DOCK3: variants seen among roughly 807,000 people sequenced by gnomAD.
DOCK3 encodes the protein dedicator of cytokinesis 3.
In DOCK3, 60 loss-of-function variants were observed where a neutral mutation model predicts 265.6. The observed-to-expected ratio is 0.23, with a 90% CI of 0.18 to 0.28. The LOEUF is 0.28. Ranked by LOEUF, DOCK3 falls within the 10% of genes least tolerant of loss-of-function variation. The pLI is 1.00. For synonymous variants in DOCK3, 881 were observed against 938.0 expected (o/e 0.94, Z 1.11); for missense variants, 1,981 against 2,594.3 (o/e 0.76, Z 5.14).
chr3:51,228,855 T>C (rs1410627376), intron 18 of DOCK3, 23 bp downstream of exon 18: 7 of 1,611,218 alleles, frequency 4.3e-6, no homozygotes, highest in Non-Finnish European at 5.9e-6. Flanking sequence ...GCCTGCAGGG[T>C]GGTGCCCTCC....
In DOCK3 at chr3:50,684,178, T is replaced by A. The variant is rs986049687; in HGVS notation, c.37+8878T>A. Among the ~76,000 whole-genome samples the A allele has an allele frequency of 3.3e-5, 5 of 152,224 alleles. No individual in the cohort carries two copies. The South Asian group carries it at 1.0e-3, about 32-fold the overall frequency. Reference sequence around the variant, plus strand: ...CTACTCTGCCTGATATAAATAAGCATTGCTGCTTCTACTGCAGTTGGTACC... The same window carrying A: ...CTACTCTGCCTGATATAAATAAGCAATGCTGCTTCTACTGCAGTTGGTACC... On this transcript the variant is annotated intron_variant, in intron 1 of 52. Coordinates refer to ENST00000266037, the MANE Select transcript of DOCK3 (RefSeq NM_004947.5).
At chr3:51,214,920 A>G (rs2089701583) in intron 14 of DOCK3, among the ~76,000 whole-genome samples, 1 of 152,170 alleles carries the variant, frequency 6.6e-6, no homozygotes, top group Non-Finnish European at 1.5e-5. Context: ...AGGGCTGGAA[A>G]AGTGGATCCA....
intron 8 of DOCK3, among the ~76,000 whole-genome samples, chr3:51,089,970 G>A (rs930644562): frequency 1.3e-5 from 2 of 151,220 alleles, no homozygotes; most frequent in African/African-American, 4.9e-5. Context: ...GTCACCTGGT[G>A]GAGATTTTTA....
At chr3:50,686,042 G>A (rs2034774383) in intron 1 of DOCK3, among the ~76,000 whole-genome samples, 1 of 152,080 alleles carries the variant, frequency 6.6e-6, no homozygotes, top group Non-Finnish European at 1.5e-5. Context: ...GATGATTCAA[G>A]TGCATTACAT....
At chr3:50,883,059 T>C (rs1334315283) in intron 3 of DOCK3, among the ~76,000 whole-genome samples, 2 of 152,072 alleles carry the variant, frequency 1.3e-5, no homozygotes, top group Admixed American at 1.3e-4. Flanking sequence ...TAGGTGGGAA[T>C]TGAACCATGA....
At chr3:51,244,950 A>C (rs1439680101) in intron 21 of DOCK3, among the ~76,000 whole-genome samples, 3 of 152,232 alleles carry the variant, frequency 2.0e-5, no homozygotes, top group African/African-American at 7.2e-5. Context: ...GCACCCACAA[A>C]AAAATGTCAA....
intron 12 of DOCK3, among the ~76,000 whole-genome samples, chr3:51,160,999 C>G (rs1007607063): frequency 6.6e-6 from 1 of 150,706 alleles, no homozygotes; most frequent in African/African-American, 2.4e-5. Flanking sequence ...TTGCTTGAAC[C>G]TGGGAGGCAG....
chr3:50,947,011 A>T (rs2076445963), intron 5 of DOCK3, among the ~76,000 whole-genome samples: 1 of 152,160 alleles, frequency 6.6e-6, no homozygotes, highest in Non-Finnish European at 1.5e-5. Flanking sequence ...ACAACAGGAT[A>T]AAAAAACCAA....
At chr3:51,322,972 A>C (rs1201417258) in intron 32 of DOCK3, among the ~76,000 whole-genome samples, 13 of 129,508 alleles carry the variant, frequency 1.0e-4, no homozygotes, top group Non-Finnish European at 1.6e-4. Flanking sequence ...AATGGAAAGC[A>C]AAAAAAAAAA....
chr3:51,265,558 AT>A (rs1308867040), intron 23 of DOCK3, among the ~76,000 whole-genome samples: 2 of 152,248 alleles, frequency 1.3e-5, no homozygotes, highest in South Asian at 2.1e-4. Flanking sequence ...ACACAAAAAA[AT>A]AAATGTAATC....
intron 1 of DOCK3, among the ~76,000 whole-genome samples, chr3:50,723,473 A>C (rs6800008): frequency 0.91 from 137,838 of 152,222 alleles, 62,564 homozygotes; most frequent in African/African-American, 0.95. Context: ...GAGTTTGAGA[A>C]CAGCCTGGCC....
At chr3:50,911,142 G>A (rs959978836) in intron 4 of DOCK3, among the ~76,000 whole-genome samples, 6 of 151,790 alleles carry the variant, frequency 4.0e-5, no homozygotes, top group Non-Finnish European at 7.4e-5. Context: ...CTCTTTATCC[G>A]TGCAGAAGCT....
chr3:51,246,859 T>C (rs1295448624), intron 22 of DOCK3, 52 bp downstream of exon 22: 10 of 1,551,024 alleles, frequency 6.4e-6, no homozygotes, highest in African/African-American at 2.7e-5. Flanking sequence ...CAATTATTTG[T>C]GAGTAATCTC....
chr3:50,988,481 C>T (rs1019520975), intron 5 of DOCK3, among the ~76,000 whole-genome samples: 7 of 152,064 alleles, frequency 4.6e-5, no homozygotes, highest in Non-Finnish European at 7.4e-5. Context: ...TCAGAGTGTC[C>T]GAAGCGACGG....
chr3:51,060,116 A>G (rs916942449), intron 5 of DOCK3, among the ~76,000 whole-genome samples: 1 of 152,066 alleles, frequency 6.6e-6, no homozygotes, highest in Non-Finnish European at 1.5e-5. Context: ...TTGAACCTGC[A>G]CATTGTGCAC....
intron 49 of DOCK3, among the ~76,000 whole-genome samples, chr3:51,364,825 C>G (rs1213369925): frequency 6.6e-6 from 1 of 152,156 alleles, no homozygotes; most frequent in Non-Finnish European, 1.5e-5. Context: ...GGGTTCTATT[C>G]TGTTCCATTG....
chr3:50,765,816 T>C lies in DOCK3; in HGVS notation c.38-12859T>C, dbSNP rs534464987. ...CTATTTTGAAATATACAATACATTA[T>C]TGTTAACTGTAGTCACCTTACTATG... On this transcript the variant is annotated intron_variant, in intron 1 of 52. Coordinates refer to ENST00000266037, the MANE Select transcript of DOCK3 (RefSeq NM_004947.5). Among the ~76,000 whole-genome samples the C allele has an allele frequency of 2.6e-5, 4 of 152,286 alleles. No homozygotes were observed. The South Asian group carries it at 6.2e-4, about 24-fold the overall frequency.
At chr3:51,213,407 A>T (rs1032536339) in intron 13 of DOCK3, among the ~76,000 whole-genome samples, 1 of 152,112 alleles carries the variant, frequency 6.6e-6, no homozygotes, top group Non-Finnish European at 1.5e-5. Flanking sequence ...TGGAGGGGGA[A>T]ATTTCAGGAG....
chr3:50,814,187 C>T (rs1397932097), intron 2 of DOCK3, among the ~76,000 whole-genome samples: 1 of 152,048 alleles, frequency 6.6e-6, no homozygotes, highest in African/African-American at 2.4e-5. Context: ...CCTGAATATC[C>T]TTGTTCATTC....
Sources: allele counts gnomAD v4.1 joint callset (sites outside exome capture counted in the v4.1 genomes callset), GRCh38; gene constraint gnomAD v4.1.1; transcripts MANE v1.5; gene names NCBI Gene and HGNC (gene_info 2026-07-23, HGNC 2026-07-21).